Variants in HIP1 observed in about 807,000 individuals in gnomAD.
HIP1 encodes the protein huntingtin-interacting protein 1.
Under a neutral mutation model 147.6 loss-of-function variants are expected in HIP1, and 65 were observed. The ratio of observed to expected loss-of-function variants is 0.44; its 90% CI spans 0.36 to 0.54. The LOEUF (loss-of-function observed/expected upper bound fraction) is 0.54, where lower values mean the gene tolerates loss of function less well. Ranked by LOEUF, HIP1 falls within the 20% of genes least tolerant of loss-of-function variation. The pLI, the probability that HIP1 is intolerant of heterozygous loss-of-function variation, is 0.00. For missense variants in HIP1, 1,061 were observed against 1,299.6 expected, an observed-to-expected ratio of 0.82 and a Z score of 2.82; for synonymous variants, 479 against 504.0, an observed-to-expected ratio of 0.95 and a Z score of 0.67.
At chr7:75,604,039 C>G (rs145471994) in intron 1 of HIP1, among the ~76,000 whole-genome samples, 4 of 152,150 alleles carry the variant, frequency 2.6e-5, no homozygotes, top group Non-Finnish European at 5.9e-5. Context: ...CTGTCCCAAG[C>G]ACTGTCTTCC....
chr7:75,680,065 CAG>C (rs1800013841), intron 1 of HIP1, among the ~76,000 whole-genome samples: 1 of 151,872 alleles, frequency 6.6e-6, no homozygotes, highest in Admixed American at 6.6e-5. Flanking sequence ...TTCATTGAGA[CAG>C]AGTCTCACTG....
At chr7:75,718,271 C>T (rs1242630211) in intron 1 of HIP1, among the ~76,000 whole-genome samples, 4 of 151,920 alleles carry the variant, frequency 2.6e-5, no homozygotes, top group African/African-American at 4.8e-5. Flanking sequence ...GTGGGAGGGT[C>T]GCTTGAGCCC....
chr7:75,598,772 ACCTGTAGTC>A (rs201596890), intron 2 of HIP1, among the ~76,000 whole-genome samples: 3,174 of 151,906 alleles, frequency 0.021, 112 homozygotes, highest in African/African-American at 0.072. Context: ...AGTGGTGCAC[ACCTGTAGTC>A]CCAGCTACTC....
At chr7:75,611,520 T>A (rs1328446711) in intron 1 of HIP1, 1 of 214,922 alleles carries the variant, frequency 4.7e-6, no homozygotes, top group Non-Finnish European at 8.5e-6. Context: ...CACAGTCTCT[T>A]GAGAAAATCT....
intron 1 of HIP1, among the ~76,000 whole-genome samples, chr7:75,681,497 CTTTTTTTTTTTT>C (rs10546838): frequency 1.1e-4 from 14 of 124,296 alleles, no homozygotes; most frequent in East Asian, 1.0e-3. Context: ...ACAGCACCTG[CTTTTTTTTTTTT>C]TTTTTTTTTT....
chr7:75,624,913 G>A (rs587594270), intron 1 of HIP1, among the ~76,000 whole-genome samples: 257 of 150,826 alleles, frequency 1.7e-3, no homozygotes, highest in Non-Finnish European at 2.9e-3. Context: ...CTCTGTGTCT[G>A]TACATAGGTG....
Position 75,563,001 on chromosome 7 carries a change from G to A in HIP1, c.954C>T (p.Ala318=), listed in dbSNP as rs1554494870. The change falls in exon 11 of 31, where the codon GCC becomes GCT. Residue 318 remains alanine (A), a synonymous_variant. Coordinates refer to ENST00000336926, the MANE Select transcript of HIP1 (RefSeq NM_005338.7). The stretch of plus-strand genomic sequence containing the variant: ...GGACTGGCTCGCTGTCGGGGGATGA[G>A]GCCTCTGCAGGGATCACCACCACAG... ...ISPVVVIPAE[A]SSPDSEPVLE... is the part of the protein sequence containing the mutation. 1.2e-6 allele frequency: 2 copies of A among 1,614,180 alleles called. No homozygotes were observed. The highest frequency in any genetic ancestry group is 1.1e-5 in the South Asian group (1 of 91,086).
At chr7:75,653,297 C>A (rs1190908178) in intron 1 of HIP1, among the ~76,000 whole-genome samples, 1 of 152,124 alleles carries the variant, frequency 6.6e-6, no homozygotes, top group Admixed American at 6.6e-5. Flanking sequence ...AAGCCTTAGG[C>A]ACACACTAGT....
intron 1 of HIP1, among the ~76,000 whole-genome samples, chr7:75,737,508 C>T (rs2285876): frequency 0.42 from 63,682 of 151,658 alleles, 13,785 homozygotes; most frequent in African/African-American, 0.52. Context: ...CCACGCCCAG[C>T]TAATTTTTTG....
At chr7:75,650,694 T>G (rs1248609793) in intron 1 of HIP1, among the ~76,000 whole-genome samples, 3 of 151,948 alleles carry the variant, frequency 2.0e-5, no homozygotes, top group Non-Finnish European at 2.9e-5. Context: ...CCTCCCAAGG[T>G]GCTGGGATTA....
chr7:75,680,119 T>C (rs2705795), intron 1 of HIP1, among the ~76,000 whole-genome samples: 87,307 of 151,972 alleles, frequency 0.57, 25,540 homozygotes, highest in African/African-American at 0.66. Context: ...CTCAGCTCAC[T>C]GTAACCTCTA....
intron 1 of HIP1, among the ~76,000 whole-genome samples, chr7:75,664,052 ATATACACATATATGTG>A (rs1799438729): frequency 3.5e-5 from 3 of 86,914 alleles, no homozygotes; most frequent in Admixed American, 1.4e-4. Context: ...ATATATGTGT[ATATACACATATATGTG>A]TATATACACA....
At chr7:75,588,563 G>A (rs587722603) in intron 4 of HIP1, among the ~76,000 whole-genome samples, 2 of 151,946 alleles carry the variant, frequency 1.3e-5, no homozygotes, top group South Asian at 2.1e-4. Context: ...GTGGCAGATC[G>A]CTTAAGCCCA....
chr7:75,694,800 A>G, intron 1 of HIP1, among the ~76,000 whole-genome samples: 1 of 151,646 alleles, frequency 6.6e-6, no homozygotes, highest in Non-Finnish European at 1.5e-5. Flanking sequence ...ATGAGCCACC[A>G]TGCCCGGCCT....
intron 1 of HIP1, among the ~76,000 whole-genome samples, chr7:75,708,893 A>C (rs1554519920): frequency 6.6e-6 from 1 of 152,064 alleles, no homozygotes; most frequent in African/African-American, 2.4e-5. Context: ...TTCTGCAAAA[A>C]CATTATTGGG....
chr7:75,709,650 T>C (rs1308462494), intron 1 of HIP1, among the ~76,000 whole-genome samples: 1 of 152,164 alleles, frequency 6.6e-6, no homozygotes, highest in Non-Finnish European at 1.5e-5. Context: ...ACCTCTTCCT[T>C]TCCAATTTGG....
At chr7:75,706,473 C>CTTTTTTTTT (rs139655610) in intron 1 of HIP1, among the ~76,000 whole-genome samples, 1 of 138,096 alleles carries the variant, frequency 7.2e-6, no homozygotes, top group African/African-American at 2.8e-5. Context: ...TATATATCTT[C>CTTTTTTTTT]TTTTTTTTTA....
chr7:75,545,289 T>A, intron 25 of HIP1, 101 bp from the exon 26 acceptor site: 1 of 740,808 alleles, frequency 1.3e-6, no homozygotes, highest in South Asian at 1.6e-5. Context: ...TCATAGTAAC[T>A]CTGAGACATA....
At chr7:75,734,744 C>T (rs1477531310) in intron 1 of HIP1, among the ~76,000 whole-genome samples, 1 of 152,142 alleles carries the variant, frequency 6.6e-6, no homozygotes, top group African/African-American at 2.4e-5. Context: ...GTCTCCACTG[C>T]ACCCGCTGGG....
Sources: allele counts gnomAD v4.1 joint callset (sites outside exome capture counted in the v4.1 genomes callset), GRCh38; gene constraint gnomAD v4.1.1; transcripts MANE v1.5; gene names NCBI Gene and HGNC (gene_info 2026-07-23, HGNC 2026-07-21).